The following DPH5 variants were observed in gnomAD, a reference collection of about 807,000 sequenced individuals.
DPH5 encodes diphthamide biosynthesis 5, also known as diphthine methyl ester synthase.
In DPH5, 31 loss-of-function variants were observed where a neutral mutation model predicts 31.6. The ratio of observed to expected loss-of-function variants is 0.98; its 90% CI spans 0.74 to 1.32. The LOEUF is 1.32. DPH5 is among the 40% of genes most tolerant of loss of function. The pLI, the probability that DPH5 is intolerant of heterozygous loss-of-function variation, is 0.00. For synonymous variants in DPH5, 120 were observed against 115.0 expected (o/e 1.04, Z -0.28); for missense variants, 309 against 335.7 (o/e 0.92, Z 0.62).
Position 101,013,559 on chromosome 1 carries a change from A to G in DPH5, c.369+151T>C, listed in dbSNP as rs977743219. 5 of 448,716 alleles carry G rather than the reference A, an allele frequency of 1.1e-5. No homozygotes were observed. The Admixed American group carries it at 1.6e-4, about 14-fold the overall frequency. The allele number at this position is 448,716 out of a possible 1,614,324, so 27.8% of individuals were successfully genotyped here. On this transcript the variant is annotated intron_variant, in intron 4 of 7. Transcript: ENST00000370109. ...ACCTAGCATAAAAAAATTAGTGTTA[A>G]AAAATTCAGTCTATGTATATACTAA...
chr1:101,022,522 C>G (rs756121561), intron 2 of DPH5, among the ~76,000 whole-genome samples: 1 of 152,090 alleles, frequency 6.6e-6, no homozygotes, highest in Non-Finnish European at 1.5e-5. Context: ...GATCATGAAT[C>G]CTTTTCTTTT....
At chr1:101,004,718 C>G (rs985739500) in intron 4 of DPH5, among the ~76,000 whole-genome samples, 1 of 152,154 alleles carries the variant, frequency 6.6e-6, no homozygotes, top group Non-Finnish European at 1.5e-5. Context: ...AAGGATTCAG[C>G]ATTTCCCCCA....
intron 5 of DPH5, 91 bp from the exon 6 acceptor site, chr1:100,995,240 TG>T: frequency 2.6e-6 from 2 of 779,264 alleles, no homozygotes; most frequent in South Asian, 1.6e-5. Context: ...ACCTAAATTT[TG>T]GGGAAACACT....
chr1:100,993,336 A>G (rs747061517), intron 6 of DPH5, among the ~76,000 whole-genome samples: 2 of 151,638 alleles, frequency 1.3e-5, no homozygotes, highest in Non-Finnish European at 2.9e-5. Flanking sequence ...GTGGATCACA[A>G]AGTCAGGAGT....
chr1:101,024,605 T>A (rs1660694625), intron 2 of DPH5, among the ~76,000 whole-genome samples: 1 of 152,240 alleles, frequency 6.6e-6, no homozygotes, highest in African/African-American at 2.4e-5. Context: ...ATAACATATG[T>A]ATTAATCCTT....
At chr1:101,010,305 G>A (rs1297638357) in intron 4 of DPH5, among the ~76,000 whole-genome samples, 1 of 152,146 alleles carries the variant, frequency 6.6e-6, no homozygotes, top group Non-Finnish European at 1.5e-5. Flanking sequence ...TGGAGTTTGT[G>A]GTAGAGAATT....
At chr1:101,014,102 A>G (rs769556092) in intron 3 of DPH5, among the ~76,000 whole-genome samples, 1 of 152,226 alleles carries the variant, frequency 6.6e-6, no homozygotes, top group African/African-American at 2.4e-5. Context: ...AATACGTGAA[A>G]AAGACATCTA....
chr1:100,999,729 CTCGGAAG>C (rs1299258276), intron 5 of DPH5, among the ~76,000 whole-genome samples: 1 of 151,882 alleles, frequency 6.6e-6, no homozygotes, highest in African/African-American at 2.4e-5. Flanking sequence ...ATCCCAGTTA[CTCGGAAG>C]TCTGAGGCAG....
rs552079694 is a variant in DPH5, at chr1:101,020,512, A to G, written c.260+1129T>C. ...TCCTCTTTTCCCACTCTTCTCTCCT[A>G]AGCTGATTCTATCCATTCCTCCAGC... On this transcript the variant is annotated intron_variant, in intron 3 of 7. Transcript: ENST00000370109. Among the ~76,000 whole-genome samples, 177 of 151,570 alleles carry G rather than the reference A, an allele frequency of 1.2e-3. 1 individual carries two copies. The highest frequency in any genetic ancestry group is 4.2e-3 in the African/African-American group (172 of 41,274).
intron 4 of DPH5, among the ~76,000 whole-genome samples, chr1:101,004,396 C>T (rs911010308): frequency 6.6e-6 from 1 of 152,076 alleles, no homozygotes; most frequent in Non-Finnish European, 1.5e-5. Context: ...TTCATATAAG[C>T]CTTTGTGCTG....
intron 3 of DPH5, among the ~76,000 whole-genome samples, chr1:101,014,256 G>A (rs1389583654): frequency 1.3e-5 from 2 of 152,130 alleles, no homozygotes; most frequent in Non-Finnish European, 2.9e-5. Context: ...TGAAGACTTT[G>A]TCTTTGTATT....
chr1:100,997,568 T>C (rs1270788444), intron 5 of DPH5, among the ~76,000 whole-genome samples: 1 of 152,090 alleles, frequency 6.6e-6, no homozygotes, highest in Non-Finnish European at 1.5e-5. Context: ...GGTTTCACCG[T>C]GTTAGTCAAG....
intron 4 of DPH5, among the ~76,000 whole-genome samples, chr1:101,003,831 A>T (rs1008142190): frequency 6.6e-6 from 1 of 152,224 alleles, no homozygotes; most frequent in Admixed American, 6.5e-5. Flanking sequence ...TCAACTGTTT[A>T]CATTCTAAAA....
In DPH5 at chr1:100,993,565, T is replaced by A. The variant is rs867171476; in HGVS notation, c.531-825A>T. Among the ~76,000 whole-genome samples the A allele has an allele frequency of 2.6e-3, 180 of 68,688 alleles. 1 individual carries two copies. Among genetic ancestry groups the A allele is most frequent in the African/African-American group, 0.01 (162 of 15,698 alleles). 45.1% of individuals were successfully genotyped at this position (68,688 alleles called of 152,430 possible). A position where few individuals can be genotyped will look rare whatever the true frequency, so the allele number is the denominator to read the frequency against. Reference sequence around the variant, plus strand: ...AGACTCTGTCGAAAATATAAATATATATATATATATATATATATATATATA... The same window carrying A: ...AGACTCTGTCGAAAATATAAATATAAATATATATATATATATATATATATA... On this transcript the variant is annotated intron_variant, in intron 6 of 7. Coordinates refer to ENST00000370109, the MANE Select transcript of DPH5 (RefSeq NM_015958.3).
chr1:100,999,719 A>C (rs1242802320), intron 5 of DPH5, among the ~76,000 whole-genome samples: 1 of 151,758 alleles, frequency 6.6e-6, no homozygotes, highest in Non-Finnish European at 1.5e-5. Flanking sequence ...GGCACCTGTA[A>C]TCCCAGTTAC....
chr1:101,001,357 G>T (rs773016623), intron 5 of DPH5, 110 bp downstream of exon 5: 1 of 1,088,912 alleles, frequency 9.2e-7, no homozygotes, highest in Non-Finnish European at 1.3e-6. Context: ...TGGCTAGACT[G>T]TGTCTTTTCT....
intron 4 of DPH5, among the ~76,000 whole-genome samples, chr1:101,007,734 A>C (rs906167976): frequency 2.7e-5 from 4 of 149,980 alleles, no homozygotes; most frequent in Non-Finnish European, 2.9e-5. Context: ...AAACAAAAAA[A>C]CAGAAACAAA....
At chr1:100,991,877 TG>T (rs1423307190) in intron 7 of DPH5, among the ~76,000 whole-genome samples, 1 of 146,322 alleles carries the variant, frequency 6.8e-6, no homozygotes, top group African/African-American at 2.6e-5. Context: ...GAGGCTGAGG[TG>T]GGAGGATTGC....
chr1:101,006,145 CTCAAAG>C (rs1429680016), intron 4 of DPH5, among the ~76,000 whole-genome samples: 1 of 152,150 alleles, frequency 6.6e-6, no homozygotes, highest in Admixed American at 6.5e-5. Context: ...GTTTATTGAC[CTCAAAG>C]TCAATTTGAC....
Sources: allele counts gnomAD v4.1 joint callset (sites outside exome capture counted in the v4.1 genomes callset), GRCh38; gene constraint gnomAD v4.1.1; transcripts MANE v1.5; gene names NCBI Gene and HGNC (gene_info 2026-07-23, HGNC 2026-07-21).